Variants in PACSIN1 observed in about 807,000 individuals in gnomAD.
The protein encoded by PACSIN1 is protein kinase C and casein kinase substrate in neurons protein 1.
A neutral mutation model predicts 59.5 loss-of-function variants in PACSIN1; 15 were observed. The ratio of observed to expected loss-of-function variants is 0.25; its 90% confidence interval spans 0.17 to 0.39. PACSIN1 has a LOEUF of 0.39. Among genes scored for constraint, PACSIN1 ranks in the 10% least tolerant of loss-of-function variants. PACSIN1 has a pLI of 1.00. For missense variants in PACSIN1, 420 were observed against 580.2 expected (o/e 0.72, Z 2.84); for synonymous variants, 210 against 220.6 (o/e 0.95, Z 0.42).
At position 34,514,012 on chromosome 6, in the gene PACSIN1, G is replaced by A. The variant is rs1281939690; in HGVS notation, c.-63-12231G>A. On this transcript the variant is annotated intron_variant, in intron 1 of 9. Transcript: ENST00000244458. This position sits in a 1 kb window ranked among gnomAD's most constrained non-coding sequence, Gnocchi z 4.4. The stretch of plus-strand genomic sequence containing the variant: ...AGGTTCTGAATCCATGTAGATGTGT[G>A]TGCACGTGTCTTAAAGATGTGCGTA... Among the ~76,000 whole-genome samples, 2 of 152,204 alleles carry A rather than the reference G, an allele frequency of 1.3e-5. No individual in the cohort carries two copies. Among genetic ancestry groups the A allele is most frequent in the Non-Finnish European group, 1.5e-5 (1 of 68,040 alleles).
intron 1 of PACSIN1, among the ~76,000 whole-genome samples, chr6:34,492,530 C>T (rs1250854395): frequency 2.6e-5 from 4 of 152,070 alleles, no homozygotes; most frequent in African/African-American, 4.8e-5. Context: ...ATTACAGGCA[C>T]GTGCTACCAT....
intron 1 of PACSIN1, among the ~76,000 whole-genome samples, chr6:34,505,194 T>G (rs1173760095): frequency 6.6e-6 from 1 of 152,052 alleles, no homozygotes; most frequent in Non-Finnish European, 1.5e-5. Flanking sequence ...GATAGGGTCT[T>G]GCTATGTTGC....
intron 1 of PACSIN1, among the ~76,000 whole-genome samples, chr6:34,519,490 C>A (rs1223537979): frequency 6.6e-6 from 1 of 152,146 alleles, no homozygotes; most frequent in Non-Finnish European, 1.5e-5. Context: ...CATGGGGGAC[C>A]TGGAGACCTG....
chr6:34,490,398 G>C (rs2127252254), intron 1 of PACSIN1, among the ~76,000 whole-genome samples: 1 of 152,152 alleles, frequency 6.6e-6, no homozygotes, highest in African/African-American at 2.4e-5. Context: ...CAAGTGGGCA[G>C]TGTCCTTGTT....
intron 1 of PACSIN1, among the ~76,000 whole-genome samples, chr6:34,501,770 G>A (rs562504461): frequency 1.9e-4 from 29 of 152,244 alleles, no homozygotes; most frequent in Non-Finnish European, 3.7e-4. Flanking sequence ...GGTGGCTCAC[G>A]CCTGTAATCC....
intron 1 of PACSIN1, among the ~76,000 whole-genome samples, chr6:34,486,052 A>G (rs1465372373): frequency 1.3e-5 from 2 of 152,210 alleles, no homozygotes; most frequent in East Asian, 3.9e-4. Flanking sequence ...CAACAGCATG[A>G]TTCTCTCTGG....
rs903694843 is a variant in PACSIN1, at chr6:34,515,897, G to A, written c.-63-10346G>A. On this transcript the variant is annotated intron_variant, in intron 1 of 9. Transcript: ENST00000244458. This position sits in a 1 kb window ranked among gnomAD's most constrained non-coding sequence, Gnocchi z 4.4. ...AGCCTCTGCCAGCTGCTCAGGAGGG[G>A]GCAGGGTGGGGTGCAGGGGAGGAGC... Among the ~76,000 whole-genome samples, 2 of 152,114 alleles carry A rather than the reference G, an allele frequency of 1.3e-5. No homozygotes were observed. The highest frequency in any genetic ancestry group is 4.8e-5 in the African/African-American group (2 of 41,420).
At chr6:34,486,134 A>G in intron 1 of PACSIN1, among the ~76,000 whole-genome samples, 1 of 149,736 alleles carries the variant, frequency 6.7e-6, no homozygotes, top group Non-Finnish European at 1.5e-5. Flanking sequence ...GCCCTGCAGC[A>G]GGAGTGCCCA....
chr6:34,466,560 C>T (rs2113828942), intron 1 of PACSIN1, among the ~76,000 whole-genome samples: 1 of 152,296 alleles, frequency 6.6e-6, no homozygotes, highest in East Asian at 1.9e-4. Context: ...GAAATAGGTT[C>T]CTTGGGAAGC....
chr6:34,524,810 T>C (rs572698392), intron 1 of PACSIN1, among the ~76,000 whole-genome samples: 81 of 152,350 alleles, frequency 5.3e-4, no homozygotes, highest in Middle Eastern at 3.4e-3. Context: ...TAAGTTACTT[T>C]CCCATCACCA....
rs1410227018 is a variant in PACSIN1 at position 34,535,106 on chromosome 6, G to A, written c.*2576G>A. On this transcript the variant is annotated 3_prime_UTR_variant, in exon 10 of 10. Coordinates refer to ENST00000244458, the MANE Select transcript of PACSIN1 (RefSeq NM_020804.5). ...TTGTGAAACTCCGAGAAGTGCTGTG[G>A]TCTCAGCAATGCACCTGTTTTGTAC... is the stretch of plus-strand genomic sequence containing the variant. The A allele has an allele frequency of 2.0e-5, 3 of 152,454 alleles. No homozygotes were observed. The highest frequency in any genetic ancestry group is 4.8e-5 in the African/African-American group (2 of 41,456). The allele number at this position is 152,454 out of a possible 1,614,324, so 9.4% of individuals were successfully genotyped here.
chr6:34,503,632 A>G (rs558527952), intron 1 of PACSIN1, among the ~76,000 whole-genome samples: 1 of 152,250 alleles, frequency 6.6e-6, no homozygotes, highest in East Asian at 1.9e-4. Flanking sequence ...CACTCAGTCC[A>G]CCTTACAGCA....
chr6:34,502,222 G>A (rs952210542), intron 1 of PACSIN1, among the ~76,000 whole-genome samples: 2 of 152,074 alleles, frequency 1.3e-5, no homozygotes, highest in African/African-American at 2.4e-5. Context: ...ACATTGGCAA[G>A]CATGACACAG....
rs1024132421 is a variant in PACSIN1, at chr6:34,534,191, G to C, written c.*1661G>C. On this transcript the variant is annotated 3_prime_UTR_variant, in exon 10 of 10. Coordinates refer to ENST00000244458, the MANE Select transcript of PACSIN1 (RefSeq NM_020804.5). ...CTGCTGCTTCTCCCAACAGCCCACTGTTAGGAGGTAGTAGACCCCAGCCTC... is the reference window on the plus strand; with the variant it reads ...CTGCTGCTTCTCCCAACAGCCCACTCTTAGGAGGTAGTAGACCCCAGCCTC... The C allele has an allele frequency of 6.6e-6, 1 of 152,562 alleles. No individual in the cohort carries two copies. Among genetic ancestry groups the C allele is most frequent in the Non-Finnish European group, 1.5e-5 (1 of 68,346 alleles). The allele number at this position is 152,562 out of a possible 1,614,324, so 9.5% of individuals were successfully genotyped here.
rs1767480658 is a variant in PACSIN1, at chr6:34,526,301, A to T, written c.-5A>T. ...CGCACTTGTCCATCCCCCTGCGGCT[A>T]CACCATGTCCAGCTCCTACGATGAG... On this transcript the variant is annotated 5_prime_UTR_variant, in exon 2 of 10. Transcript: ENST00000244458. The T allele has an allele frequency of 1.2e-6, 2 of 1,611,398 alleles. No individual in the cohort carries two copies. Among genetic ancestry groups the T allele is most frequent in the Non-Finnish European group, 8.5e-7 (1 of 1,179,574 alleles).
chr6:34,496,975 A>C (rs1766957259), intron 1 of PACSIN1, among the ~76,000 whole-genome samples: 1 of 115,866 alleles, frequency 8.6e-6, no homozygotes, highest in Non-Finnish European at 1.6e-5. Flanking sequence ...ACAGAGTCTC[A>C]TCTTGCTCTG....
chr6:34,528,335 C>A (rs1420329470), intron 3 of PACSIN1, among the ~76,000 whole-genome samples: 2 of 152,328 alleles, frequency 1.3e-5, no homozygotes, highest in Middle Eastern at 3.4e-3. Flanking sequence ...CCAGGCTGCC[C>A]CCCTCCGACC....
At position 34,527,172 on chromosome 6, in the gene PACSIN1, G is replaced by A. The variant is rs1311167632; in HGVS notation, c.64-160G>A. On this transcript the variant is annotated intron_variant, in intron 2 of 9. Coordinates refer to ENST00000244458, the MANE Select transcript of PACSIN1 (RefSeq NM_020804.5). ...AAGTTAGTTTCCCTGGGGTGTTGCC[G>A]CTGCGCCGCGGGGCGGGGGGCGGGG... is the stretch of plus-strand genomic sequence containing the variant. Among the ~76,000 whole-genome samples the A allele has an allele frequency of 4.9e-5, 7 of 141,826 alleles. No individual in the cohort carries two copies. The East Asian group carries it at 6.9e-4, about 14-fold the overall frequency. 93.0% of individuals were successfully genotyped at this position (141,826 alleles called of 152,430 possible). A position where few individuals can be genotyped will look rare whatever the true frequency, so the allele number is the denominator to read the frequency against.
At chr6:34,479,986 C>A (rs986987169) in intron 1 of PACSIN1, among the ~76,000 whole-genome samples, 7 of 151,862 alleles carry the variant, frequency 4.6e-5, no homozygotes, top group Admixed American at 2.6e-4. Flanking sequence ...CCACCACACC[C>A]AGCTAATTTT....
Sources: gnomAD v4.1 joint callset for allele counts (sites outside exome capture counted in the v4.1 genomes callset) on GRCh38, gnomAD v4.1.1 for gene constraint, Gnocchi (gnomAD v3.1) non-coding constraint, MANE v1.5 for transcripts, NCBI Gene and HGNC (gene_info 2026-07-23, HGNC 2026-07-21) for gene names.